Variants in TTN observed in about 807,000 individuals in gnomAD.
The protein encoded by TTN is connectin.
A neutral mutation model predicts 3,223.0 loss-of-function variants in TTN; 1,525 were observed. The observed-to-expected ratio is 0.47, with a 90% CI of 0.45 to 0.49. TTN has a LOEUF of 0.49. Ranked by LOEUF, TTN falls within the 20% of genes least tolerant of loss-of-function variation. TTN has a pLI of 0.00. For missense variants in TTN, 40,786 were observed against 43,424.0 expected (o/e 0.94, Z 5.40); for synonymous variants, 14,094 against 15,161.0 (o/e 0.93, Z 5.17).
At position 178,594,590 on chromosome 2, in the gene TTN, T is replaced by G. The variant is rs2051000706; in HGVS notation, c.57904A>C (p.Thr19302Pro). 3 of 1,612,768 alleles carry G rather than the reference T, an allele frequency of 1.9e-6. No individual in the cohort carries two copies. The African/African-American group carries it at 4.0e-5, about 22-fold the overall frequency. The part of the protein sequence containing the change: ...EVKEVTKNTV[T>P]LTWNPPKYDG... Reference sequence around the variant, plus strand: ...TACTTAGGAGGATTCCAAGTCAAAGTTACAGTATTTTTAGTAACTTCTTTG... The same window carrying G: ...TACTTAGGAGGATTCCAAGTCAAAGGTACAGTATTTTTAGTAACTTCTTTG... The change falls in exon 296 of 363, where the codon ACT becomes CCT. Residue 19302 changes from threonine (T) to proline (P), a missense_variant. Thr to Pro is a conservative substitution (Grantham distance 38). Transcript: ENST00000589042.
In TTN at chr2:178,700,882, A is replaced by G. The variant is rs538264367; in HGVS notation, c.30682+238T>C. 1.8e-4 allele frequency among the ~76,000 whole-genome samples: 27 copies of G among 152,320 alleles called. 1 individual carries two copies. The highest frequency in any genetic ancestry group is 6.3e-4 in the African/African-American group (26 of 41,590). On this transcript the variant is annotated intron_variant, in intron 111 of 362. Coordinates refer to ENST00000589042, the MANE Select transcript of TTN (RefSeq NM_001267550.2). ...ATTAGTTCTCTATTAATGTTTCAGT[A>G]ATTTCATTAAAATAAAATATTTTAA...
chr2:178,749,867 A>G lies in TTN; in HGVS notation c.11311+3257T>C, dbSNP rs750962874. ...GGGCTCACCAGATATTAAACATTCAAGAATGATGGAATCCCCTTCTCTACA... is the reference window on the plus strand; with the variant it reads ...GGGCTCACCAGATATTAAACATTCAGGAATGATGGAATCCCCTTCTCTACA... On this transcript the variant is annotated intron_variant, in intron 47 of 362. Coordinates refer to ENST00000589042, the MANE Select transcript of TTN (RefSeq NM_001267550.2). The G allele has an allele frequency of 2.5e-6, 4 of 1,612,908 alleles. No individual in the cohort carries two copies. Among genetic ancestry groups the G allele is most frequent in the Middle Eastern group, 1.7e-4 (1 of 6,054 alleles).
intron 354 of TTN, 67 bp from the exon 355 acceptor site, chr2:178,537,984 T>C (rs1692409725): frequency 7.4e-7 from 1 of 1,349,714 alleles, no homozygotes; most frequent in Non-Finnish European, 1.0e-6. Flanking sequence ...TGTCCTTGTA[T>C]ATCAGGAATG....
chr2:178,530,373 T>G lies in TTN; in HGVS notation c.106242A>C (p.Glu35414Asp). Reference sequence around the variant, plus strand: ...CAATTACTGGTTTTGAGGAAATTGGTTCAGGAGCTTTTGGTTCAGTTTTTC... The same window carrying G: ...CAATTACTGGTTTTGAGGAAATTGGGTCAGGAGCTTTTGGTTCAGTTTTTC... ...VTRKTEPKAP[E>D]PISSKPVIVT... The change falls in exon 358 of 363, where the codon GAA becomes GAC. Residue 35414 changes from glutamate to aspartate, a missense_variant. Transcript: ENST00000589042. The G allele has an allele frequency of 6.2e-7, 1 of 1,613,976 alleles. No individual in the cohort carries two copies. The highest frequency in any genetic ancestry group is 1.3e-5 in the African/African-American group (1 of 75,052).
chr2:178,552,991 A>G lies in TTN; in HGVS notation c.89909T>C (p.Ile29970Thr). The change falls in exon 335 of 363, where the codon ATT (isoleucine) becomes ACT (threonine). Residue 29970 changes from isoleucine (I) to threonine (T), a missense_variant. By Grantham distance (89) the Ile-to-Thr change is moderately conservative. Coordinates refer to ENST00000589042, the MANE Select transcript of TTN (RefSeq NM_001267550.2). ...DGGSPIINYV[I>T]EKRDATKRTW... ...TCTCTTGGTGGCATCTCTCTTTTCA[A>G]TGACATAATTAATTATTGGAGATCC... 1 of 1,612,158 alleles carries G rather than the reference A, an allele frequency of 6.2e-7. No homozygotes were observed. Among genetic ancestry groups the G allele is most frequent in the East Asian group, 2.2e-5 (1 of 44,812 alleles).
intron 17 of TTN, 28 bp from the exon 18 acceptor site, chr2:178,783,092 G>A: frequency 6.2e-7 from 1 of 1,611,002 alleles, no homozygotes; most frequent in South Asian, 1.1e-5. Context: ...AATAAATAAT[G>A]ATACGTGTGC....
Position 178,577,206 on chromosome 2 carries a change from G to A in TTN, c.69129C>T (p.Pro23043=), listed in dbSNP as rs786205332. ...CATTACTGATTTCAACAGGACCTGG[G>A]GGACCAGGTACATCAAGGACTGTTA... ...VKVTVLDVPG[P]PGPVEISNVS... The change falls in exon 324 of 363, where the codon CCC becomes CCT. Residue 23043 remains proline (P), a synonymous_variant. Coordinates refer to ENST00000589042, the MANE Select transcript of TTN (RefSeq NM_001267550.2). 2 of 1,612,762 alleles carry A rather than the reference G, an allele frequency of 1.2e-6. No individual in the cohort carries two copies. Among genetic ancestry groups the A allele is most frequent in the Non-Finnish European group, 1.7e-6 (2 of 1,179,458 alleles).
chr2:178,567,454 C>G lies in TTN; in HGVS notation c.78678G>C (p.Glu26226Asp), dbSNP rs1251054791. ...DVHGKPLPTIEWLRGDKEIEE... is the reference protein window; with the variant it reads ...DVHGKPLPTIDWLRGDKEIEE... ...CAATTTCCTTATCTCCTCTTAACCA[C>G]TCAATGGTAGGTAGGGGCTTTCCAT... The change falls in exon 326 of 363, where the codon GAG becomes GAC. Residue 26226 changes from glutamate to aspartate, a missense_variant. Physicochemically the swap from Glu to Asp is conservative, Grantham distance 45. Coordinates refer to ENST00000589042, the MANE Select transcript of TTN (RefSeq NM_001267550.2). The G allele has an allele frequency of 1.9e-6, 3 of 1,613,028 alleles. No individual in the cohort carries two copies. The South Asian group carries it at 3.3e-5, about 18-fold the overall frequency.
Position 178,584,500 on chromosome 2 carries a change from T to A in TTN, c.65051A>T (p.Asp21684Val). 1 of 1,613,266 alleles carries A rather than the reference T, an allele frequency of 6.2e-7. No homozygotes were observed. Among genetic ancestry groups the A allele is most frequent in the South Asian group, 1.1e-5 (1 of 91,064 alleles). Residue 21684 changes from aspartate (D) to valine (V), a missense_variant, in exon 311 of 363, where the codon GAT becomes GTT. Asp to Val is a radical substitution (Grantham distance 152). Coordinates refer to ENST00000589042, the MANE Select transcript of TTN (RefSeq NM_001267550.2). The part of the protein sequence containing the change: ...DCIFVAWDRP[D>V]SDGGSPIIGY... ...AATAATGGGGCTCCCTCCATCACTA[T>A]CTGGTCTGTCCCAAGCAACAAAAAT...
chr2:178,788,946 A>G (rs1312437794), intron 13 of TTN, among the ~76,000 whole-genome samples: 2 of 152,138 alleles, frequency 1.3e-5, no homozygotes, highest in African/African-American at 4.8e-5. Context: ...GTCATACTCC[A>G]TAACATAATA....
At chr2:178,781,017 TCAGAACCAGTAAGTGGCAA>T (rs2154348824) in intron 21 of TTN, 85 bp downstream of exon 21, 1 of 1,505,458 alleles carries the variant, frequency 6.6e-7, no homozygotes, top group African/African-American at 1.4e-5. Flanking sequence ...GGGCAAAGTA[TCAGAACCAGTAAGTGGCAA>T]CAGGTTTTTC....
Position 178,608,739 on chromosome 2 carries a change from T to C in TTN, c.52272A>G (p.Thr17424=), listed in dbSNP as rs1413165198. Residue 17424 remains threonine, a synonymous_variant, in exon 274 of 363, where the codon ACA becomes ACG. Coordinates refer to ENST00000589042, the MANE Select transcript of TTN (RefSeq NM_001267550.2). ...TTACTGAATATTTGCAATGTCTAAGTGTTGAAGTGACAACAATCCATTCTG... is the reference window on the plus strand; with the variant it reads ...TTACTGAATATTTGCAATGTCTAAGCGTTGAAGTGACAACAATCCATTCTG... ...PDSEWIVVTS[T]LRHCKYSVTK... The C allele has an allele frequency of 1.9e-6, 3 of 1,612,572 alleles. No homozygotes were observed. The highest frequency in any genetic ancestry group is 2.5e-6 in the Non-Finnish European group (3 of 1,179,246).
At position 178,584,943 on chromosome 2, in the gene TTN, T is replaced by C. The variant is rs1060503935; in HGVS notation, c.64698A>G (p.Pro21566=). The C allele has an allele frequency of 3.1e-6, 5 of 1,613,162 alleles. No homozygotes were observed. Among genetic ancestry groups the C allele is most frequent in the Non-Finnish European group, 4.2e-6 (5 of 1,179,498 alleles). ...CAGCGTCTATATCAGAAATGTCAAA[T>C]GGAGGCTGAGGGGGGCCGGGGGCAT... ...VMDAPGPPQP[P]FDISDIDADA... Residue 21566 remains proline, a synonymous_variant, in exon 310 of 363, where the codon CCA becomes CCG. Coordinates refer to ENST00000589042, the MANE Select transcript of TTN (RefSeq NM_001267550.2).
In TTN at chr2:178,775,940, T is replaced by A; in HGVS notation, c.5924A>T (p.Glu1975Val). The A allele has an allele frequency of 6.2e-7, 1 of 1,614,144 alleles. No homozygotes were observed. The highest frequency in any genetic ancestry group is 8.5e-7 in the Non-Finnish European group (1 of 1,180,002). The change falls in exon 28 of 363, where the codon GAA becomes GTA. Residue 1975 changes from glutamate to valine, a missense_variant. Transcript: ENST00000589042. Reference protein sequence around the residue: ...DRPVDTTETKEVVKLKRAERI... With the variant: ...DRPVDTTETKVVVKLKRAERI... The stretch of plus-strand genomic sequence containing the variant: ...TTCAGCCCTTTTCAACTTCACAACT[T>A]CTTTGGTTTCAGTGGTGTCAACAGG...
In TTN at chr2:178,528,734, C is replaced by T. The variant is rs786205290; in HGVS notation, c.107017G>A (p.Gly35673Arg). The T allele has an allele frequency of 6.2e-7, 1 of 1,613,242 alleles. No individual in the cohort carries two copies. Among genetic ancestry groups the T allele is most frequent in the Non-Finnish European group, 8.5e-7 (1 of 1,179,480 alleles). Residue 35673 changes from glycine to arginine, a missense_variant, in exon 360 of 363, where the codon GGA becomes AGA. Physicochemically the swap from Gly to Arg is moderately radical, Grantham distance 125. Transcript: ENST00000589042. ...TIKQASHRDE[G>R]ILTCISKTKE... is the part of the protein sequence containing the mutation. ...GTTTTGCTTATGCAGGTGAGGATTC[C>T]TTCATCTCTGTGACTGGCTTGCTTG...
At chr2:178,538,923 AC>A (rs776842453) in intron 353 of TTN, 22 bp downstream of exon 353, 11 of 1,591,816 alleles carry the variant, frequency 6.9e-6, no homozygotes, top group Non-Finnish European at 5.1e-6. Flanking sequence ...CTTTAATTTA[AC>A]CCCTTCTTCT....
chr2:178,696,979 C>A, intron 113 of TTN, 142 bp downstream of exon 113: 2 of 692,018 alleles, frequency 2.9e-6, no homozygotes, highest in Non-Finnish European at 4.7e-6. Flanking sequence ...AAATAGCCAT[C>A]ATTTCTAATG....
In TTN at chr2:178,570,477, C is replaced by G. The variant is rs771709515; in HGVS notation, c.75655G>C (p.Ala25219Pro). The change falls in exon 326 of 363, where the codon GCA (alanine) becomes CCA (proline). Residue 25219 changes from alanine to proline, a missense_variant. Coordinates refer to ENST00000589042, the MANE Select transcript of TTN (RefSeq NM_001267550.2). ...TTCCAAGCTAGTGTGCATTTTTCTGCTGTAACTCCTGAGATAACAACAGGT... is the reference window on the plus strand; with the variant it reads ...TTCCAAGCTAGTGTGCATTTTTCTGGTGTAACTCCTGAGATAACAACAGGT... Reference protein sequence around the residue: ...EGPVVISGVTAEKCTLAWKPP... With the variant: ...EGPVVISGVTPEKCTLAWKPP... The G allele has an allele frequency of 5.0e-6, 8 of 1,613,262 alleles. No individual in the cohort carries two copies. The highest frequency in any genetic ancestry group is 1.7e-4 in the Middle Eastern group (1 of 6,052).
intron 79 of TTN, 30 bp downstream of exon 79, chr2:178,720,891 A>G (rs758873144): frequency 1.3e-6 from 2 of 1,543,504 alleles, no homozygotes; most frequent in South Asian, 2.6e-5. Context: ...AGAGGAGAAT[A>G]AAGAAACAAA....
Sources: allele counts gnomAD v4.1 joint callset (sites outside exome capture counted in the v4.1 genomes callset), GRCh38; gene constraint gnomAD v4.1.1; transcripts MANE v1.5; gene names NCBI Gene and HGNC (gene_info 2026-07-23, HGNC 2026-07-21).